PCDH11X: variants seen among roughly 807,000 people sequenced by gnomAD.
PCDH11X encodes protocadherin-11 X-linked.
Under a neutral mutation model 53.3 loss-of-function variants are expected in PCDH11X, and 18 were observed. That is an observed-to-expected ratio of 0.34 (90% CI 0.23 to 0.50). The LOEUF is 0.50. Among genes scored for constraint, PCDH11X ranks in the 20% least tolerant of loss-of-function variants. The pLI, the probability that PCDH11X is intolerant of heterozygous loss-of-function variation, is 0.98. For missense variants in PCDH11X, 570 were observed against 1,032.4 expected (o/e 0.55, Z 6.14); for synonymous variants, 279 against 393.3 (o/e 0.71, Z 3.44).
rs750116403 is a variant in PCDH11X at position 92,147,963 on chromosome X, CCCTTCCTTCCTT to C, written c.3034-53399_3034-53388del. Among the ~76,000 whole-genome samples the C allele has an allele frequency of 6.7e-4, 54 of 80,236 alleles. 3 individuals are homozygous for C. The highest frequency in any genetic ancestry group is 3.5e-3 in the African/African-American group (53 of 15,342). 69.7% of individuals were successfully genotyped at this position (80,236 alleles called of 115,157 possible). The stretch of plus-strand genomic sequence containing the variant: ...TCTTCCTTCCTTCCTTTCCTTCTTT[CCCTTCCTTCCTT>C]CCTTCCTTCCTTTCTTTCTTTCTTT... On this transcript the variant is annotated intron_variant, in intron 6 of 10. Transcript: ENST00000682573.
intron 7 of PCDH11X, among the ~76,000 whole-genome samples, chrX:92,248,846 C>T (rs556344939): frequency 1.8e-5 from 2 of 109,934 alleles, no homozygotes; most frequent in African/African-American, 3.3e-5. Context: ...GGATTGCAGG[C>T]GCCCATCACC....
chrX:91,885,199 C>T (rs1408942918), intron 6 of PCDH11X, among the ~76,000 whole-genome samples: 1 of 107,667 alleles, frequency 9.3e-6, no homozygotes. Context: ...ATATTACATA[C>T]TCTTAAACAA....
rs578256828 is a variant in PCDH11X at position 92,329,121 on chromosome X, T to C, written c.3145-58614T>C. Among the ~76,000 whole-genome samples the C allele has an allele frequency of 4.5e-5, 5 of 111,514 alleles. No homozygotes were observed. In the South Asian group the frequency reaches 1.9e-3, roughly 42 times the overall value. ...TGGGGTTTATTGTAGGAATGAAAGA[T>C]TTGTTTAACATTCAAAAATCTATCA... On this transcript the variant is annotated intron_variant, in intron 8 of 10. Coordinates refer to ENST00000682573, the MANE Select transcript of PCDH11X (RefSeq NM_032968.5).
chrX:92,170,513 A>C (rs2148274871), intron 6 of PCDH11X, among the ~76,000 whole-genome samples: 1 of 110,298 alleles, frequency 9.1e-6, no homozygotes, highest in Non-Finnish European at 1.9e-5. Context: ...AGAAAAGAAA[A>C]TTTTCAAACA....
At chrX:92,403,104 C>A (rs1306095640) in intron 9 of PCDH11X, among the ~76,000 whole-genome samples, 1 of 107,537 alleles carries the variant, frequency 9.3e-6, no homozygotes, top group Non-Finnish European at 1.9e-5. Flanking sequence ...ACTTCCAGAA[C>A]AAAAGAATAC....
At chrX:92,616,905 A>AT (rs758821705) in intron 10 of PCDH11X, among the ~76,000 whole-genome samples, 1 of 110,677 alleles carries the variant, frequency 9.0e-6, no homozygotes, top group Admixed American at 9.6e-5. Flanking sequence ...GATTTTCTTT[A>AT]TTTTTTTCAT....
At chrX:92,131,352 A>T (rs932872620) in intron 6 of PCDH11X, among the ~76,000 whole-genome samples, 18 of 111,616 alleles carry the variant, frequency 1.6e-4, no homozygotes, top group Non-Finnish European at 3.2e-4. Context: ...AATAAATGTT[A>T]AGGAGGATTT....
At position 91,914,013 on chromosome X, in the gene PCDH11X, A is replaced by G. The variant is rs778929276; in HGVS notation, c.3033+34740A>G. 2.5e-3 allele frequency among the ~76,000 whole-genome samples: 281 copies of G among 111,532 alleles called. 1 individual carries two copies. The highest frequency in any genetic ancestry group is 0.014 in the Middle Eastern group (3 of 217). On this transcript the variant is annotated intron_variant, in intron 6 of 10. Coordinates refer to ENST00000682573, the MANE Select transcript of PCDH11X (RefSeq NM_032968.5). ...GCAGAGTCTACTTTGCTTCTCTGCC[A>G]CCTCTACCAGAGCAGGTGCTGGTAT...
intron 6 of PCDH11X, among the ~76,000 whole-genome samples, chrX:91,907,985 A>G (rs1250128959): frequency 8.9e-6 from 1 of 111,783 alleles, no homozygotes; most frequent in East Asian, 2.8e-4. Context: ...ATGCCTGCAT[A>G]GTGTTCCATG....
At chrX:92,349,062 C>CT (rs2069978163) in intron 8 of PCDH11X, among the ~76,000 whole-genome samples, 1 of 70,550 alleles carries the variant, frequency 1.4e-5, no homozygotes, top group Non-Finnish European at 2.7e-5. Context: ...AACCTTGTAA[C>CT]TTTTTTTCTA....
chrX:91,782,816 T>C (rs1049526491), intron 1 of PCDH11X, among the ~76,000 whole-genome samples: 65 of 111,777 alleles, frequency 5.8e-4, no homozygotes, highest in Non-Finnish European at 9.8e-4. Context: ...AGCTTGCTCT[T>C]ATAGTCCTAA....
At chrX:92,217,111 A>G (rs1299326633) in intron 7 of PCDH11X, among the ~76,000 whole-genome samples, 1 of 111,293 alleles carries the variant, frequency 9.0e-6, no homozygotes, top group Non-Finnish European at 1.9e-5. Flanking sequence ...CCAAATTGTA[A>G]AGACCATCGA....
intron 9 of PCDH11X, among the ~76,000 whole-genome samples, chrX:92,417,776 G>C (rs1277238242): frequency 9.7e-6 from 1 of 103,046 alleles, no homozygotes; most frequent in Non-Finnish European, 2.0e-5. Flanking sequence ...AATCACTTTG[G>C]TTTATAGCCG....
chrX:92,127,551 C>T (rs1376918420), intron 6 of PCDH11X, among the ~76,000 whole-genome samples: 8 of 98,897 alleles, frequency 8.1e-5, no homozygotes, highest in African/African-American at 3.1e-4. Context: ...GACGGAGCCT[C>T]GCCCTGCCGC....
chrX:92,011,146 T>A (rs1229687272), intron 6 of PCDH11X, among the ~76,000 whole-genome samples: 4 of 112,097 alleles, frequency 3.6e-5, no homozygotes, highest in Non-Finnish European at 7.5e-5. Flanking sequence ...CTAGGTTGAT[T>A]CCATGTTTTT....
At chrX:92,124,317 C>G (rs186431046) in intron 6 of PCDH11X, among the ~76,000 whole-genome samples, 1 of 109,976 alleles carries the variant, frequency 9.1e-6, no homozygotes, top group African/African-American at 3.3e-5. Context: ...GAGGCTGAGG[C>G]GGGCGGATCA....
intron 8 of PCDH11X, among the ~76,000 whole-genome samples, chrX:92,317,618 G>A (rs1230539801): frequency 9.0e-6 from 1 of 111,109 alleles, no homozygotes; most frequent in Admixed American, 9.6e-5. Context: ...AGCATATTTT[G>A]AACCAAGATT....
At chrX:92,098,942 C>A (rs769122220) in intron 6 of PCDH11X, among the ~76,000 whole-genome samples, 1 of 111,485 alleles carries the variant, frequency 9.0e-6, no homozygotes, top group African/African-American at 3.3e-5. Context: ...CCACTGCACC[C>A]GGCCCCTGAA....
chrX:92,460,731 GCCAGGC>G (rs1192770849), intron 9 of PCDH11X: 2 of 1,095,448 alleles, frequency 1.8e-6, no homozygotes, highest in African/African-American at 3.6e-5. Context: ...GAGAGACAGT[GCCAGGC>G]CCAGGAGTAA....
Sources: gnomAD v4.1 joint callset for allele counts (sites outside exome capture counted in the v4.1 genomes callset) on GRCh38, gnomAD v4.1.1 for gene constraint, MANE v1.5 for transcripts, NCBI Gene and HGNC (gene_info 2026-07-23, HGNC 2026-07-21) for gene names.